Variants in ELK3 observed in about 807,000 individuals in gnomAD.
The protein encoded by ELK3 is ETS domain-containing protein Elk-3.
Under a neutral mutation model 28.9 loss-of-function variants are expected in ELK3, and 10 were observed. The observed-to-expected ratio is 0.35, with a 90% CI of 0.21 to 0.59. The LOEUF is 0.59. Ranked by LOEUF, ELK3 falls within the 20% of genes least tolerant of loss-of-function variation. The pLI is 0.82. For synonymous variants in ELK3, 272 were observed against 243.5 expected (o/e 1.12, Z -1.09); for missense variants, 463 against 517.3 (o/e 0.90, Z 1.02).
intron 1 of ELK3, among the ~76,000 whole-genome samples, chr12:96,211,487 T>TGTG (rs1555193134): frequency 0.21 from 11,466 of 54,412 alleles, 651 homozygotes; most frequent in African/African-American, 0.27. Flanking sequence ...CATTGTGTGT[T>TGTG]TGTGTGTGTG....
intron 1 of ELK3, among the ~76,000 whole-genome samples, chr12:96,201,122 AAAAT>A (rs888345161): frequency 6.6e-6 from 1 of 152,262 alleles, no homozygotes; most frequent in Non-Finnish European, 1.5e-5. Context: ...TGCTTAGTTA[AAAAT>A]AAATCAGAAT....
At chr12:96,245,768 G>T (rs1951851054) in intron 2 of ELK3, among the ~76,000 whole-genome samples, 1 of 152,132 alleles carries the variant, frequency 6.6e-6, no homozygotes, top group Non-Finnish European at 1.5e-5. Flanking sequence ...AGTGGGTTCG[G>T]CAGGGAATTA....
chr12:96,264,150 G>A (rs1952013000), intron 4 of ELK3, among the ~76,000 whole-genome samples: 1 of 152,042 alleles, frequency 6.6e-6, no homozygotes, highest in African/African-American at 2.4e-5. Flanking sequence ...GCCTGGCTAA[G>A]TTTTGAAATT....
At chr12:96,265,931 AC>A (rs1278331728) in intron 4 of ELK3, among the ~76,000 whole-genome samples, 2 of 152,146 alleles carry the variant, frequency 1.3e-5, no homozygotes, top group Non-Finnish European at 2.9e-5. Context: ...AATTAAAGAT[AC>A]CCCCTAACTC....
chr12:96,225,240 A>G (rs1296433853), intron 2 of ELK3, among the ~76,000 whole-genome samples: 2 of 152,154 alleles, frequency 1.3e-5, no homozygotes, highest in Non-Finnish European at 2.9e-5. Context: ...CTCAAAAAGC[A>G]TTTTCATTGT....
At position 96,218,341 on chromosome 12, in the gene ELK3, G is replaced by T. The variant is rs560424508; in HGVS notation, c.-2-5224G>T. ...AATGCCTTTAAAAGCAGACTGATGGGCCTCAGTATGAAAGCACAGAGTTCG... is the reference window on the plus strand; with the variant it reads ...AATGCCTTTAAAAGCAGACTGATGGTCCTCAGTATGAAAGCACAGAGTTCG... On this transcript the variant is annotated intron_variant, in intron 1 of 4. Coordinates refer to ENST00000228741, the MANE Select transcript of ELK3 (RefSeq NM_005230.4). Among the ~76,000 whole-genome samples the T allele has an allele frequency of 2.6e-5, 4 of 152,300 alleles. No homozygotes were observed. In the South Asian group the frequency reaches 8.3e-4, roughly 32 times the overall value.
chr12:96,266,922 G>GTCA (rs1213611378), intron 4 of ELK3, among the ~76,000 whole-genome samples, 160 bp from the exon 5 acceptor site: 3 of 152,158 alleles, frequency 2.0e-5, no homozygotes, highest in Non-Finnish European at 4.4e-5. Context: ...TGATCTCATT[G>GTCA]TCATCTTCCA....
At chr12:96,201,180 C>T (rs530933299) in intron 1 of ELK3, among the ~76,000 whole-genome samples, 1 of 152,096 alleles carries the variant, frequency 6.6e-6, no homozygotes, top group East Asian at 1.9e-4. Context: ...AAGAAAAATC[C>T]TTTCTGTATT....
chr12:96,207,900 A>G (rs140423116), intron 1 of ELK3, among the ~76,000 whole-genome samples: 7 of 152,378 alleles, frequency 4.6e-5, no homozygotes, highest in African/African-American at 1.7e-4. Context: ...CACTGATTGT[A>G]TCCTCTAAAT....
intron 1 of ELK3, among the ~76,000 whole-genome samples, chr12:96,207,130 G>T (rs966761023): frequency 4.6e-5 from 7 of 152,186 alleles, no homozygotes; most frequent in African/African-American, 1.7e-4. Context: ...TACAAGTCGG[G>T]TTTGGTTTAA....
intron 4 of ELK3, among the ~76,000 whole-genome samples, chr12:96,266,559 A>C (rs939902851): frequency 5.4e-5 from 8 of 148,214 alleles, no homozygotes; most frequent in African/African-American, 1.9e-4. Flanking sequence ...GCTCCAAAAT[A>C]ATCTATTCTA....
chr12:96,247,769 G>C lies in ELK3; in HGVS notation c.1002+35G>C. On this transcript the variant is annotated intron_variant, in intron 3 of 4. Coordinates refer to ENST00000228741, the MANE Select transcript of ELK3 (RefSeq NM_005230.4). The surrounding 1 kb of genome is among the most constrained non-coding windows in gnomAD (Gnocchi z 5.5). ...ATTCCTGTCATCTAAGCCACAGCCA[G>C]CTTCAGTGGCTTAGCAAAAAAGGAA... The C allele has an allele frequency of 1.4e-6, 2 of 1,474,314 alleles. No individual in the cohort carries two copies. The highest frequency in any genetic ancestry group is 1.8e-6 in the Non-Finnish European group (2 of 1,115,804). The allele number at this position is 1,474,314 out of a possible 1,614,324, so 91.3% of individuals were successfully genotyped here. A position where few individuals can be genotyped will look rare whatever the true frequency, so the allele number is the denominator to read the frequency against.
intron 1 of ELK3, among the ~76,000 whole-genome samples, chr12:96,195,095 C>A (rs995842083): frequency 5.2e-4 from 79 of 152,196 alleles, no homozygotes; most frequent in African/African-American, 1.9e-3. Flanking sequence ...GGCGAGACTT[C>A]GGGTCCCTGG....
At chr12:96,198,450 C>T (rs1224362604) in intron 1 of ELK3, among the ~76,000 whole-genome samples, 1 of 152,174 alleles carries the variant, frequency 6.6e-6, no homozygotes, top group Non-Finnish European at 1.5e-5. Flanking sequence ...CTGACCCTTT[C>T]CTAAGGTTCT....
At chr12:96,219,416 G>C (rs995037095) in intron 1 of ELK3, among the ~76,000 whole-genome samples, 1 of 152,204 alleles carries the variant, frequency 6.6e-6, no homozygotes. Context: ...ATGGTACAAA[G>C]TCTGTGTTTT....
rs1951445003 is a variant in ELK3 at position 96,194,375 on chromosome 12, G to GCGGGCCTGGGCGGC, written c.-331_-318dup. Reference sequence around the variant, plus strand: ...ACGGGGCCGGGGCGGCGGGGGAGGCGCGGGCCTGGGCGGCCAGCCCCGGCG... The same window carrying GCGGGCCTGGGCGGC: ...ACGGGGCCGGGGCGGCGGGGGAGGCGCGGGCCTGGGCGGCCGGGCCTGGGCGGCCAGCCCCGGCG... On this transcript the variant is annotated 5_prime_UTR_variant, in exon 1 of 5. Coordinates refer to ENST00000228741, the MANE Select transcript of ELK3 (RefSeq NM_005230.4). The GCGGGCCTGGGCGGC allele has an allele frequency of 6.8e-6, 1 of 146,242 alleles. No homozygotes were observed. The highest frequency in any genetic ancestry group is 1.5e-5 in the Non-Finnish European group (1 of 65,722). The allele number at this position is 146,242 out of a possible 1,614,324, so 9.1% of individuals were successfully genotyped here.
intron 1 of ELK3, among the ~76,000 whole-genome samples, chr12:96,207,192 A>T (rs549633835): frequency 6.3e-4 from 96 of 152,302 alleles, no homozygotes; most frequent in African/African-American, 2.3e-3. Flanking sequence ...TTACCTTAAC[A>T]CCACTGTGTT....
At position 96,259,657 on chromosome 12, in the gene ELK3, T is replaced by C; in HGVS notation, c.1003-74T>C. 6.7e-6 allele frequency: 10 copies of C among 1,498,484 alleles called. No homozygotes were observed. In the South Asian group the frequency reaches 1.1e-4, roughly 16 times the overall value. The allele number at this position is 1,498,484 out of a possible 1,614,324, so 92.8% of individuals were successfully genotyped here. A position where few individuals can be genotyped will look rare whatever the true frequency, so the allele number is the denominator to read the frequency against. The stretch of plus-strand genomic sequence containing the variant: ...GCCCATGCCTAGCCTACCTAACCTC[T>C]CTCTGCTGCTCTGTTGATCATGGCC... On this transcript the variant is annotated intron_variant, in intron 3 of 4. Transcript: ENST00000228741.
rs527335973 is a variant in ELK3 at position 96,236,129 on chromosome 12, A to G, written c.208-10811A>G. ...GTGTAAGCCACCACCCCGCCTGAGC[A>G]GCTTTATGTTCTATGTTATTAACAC... is the stretch of plus-strand genomic sequence containing the variant. On this transcript the variant is annotated intron_variant, in intron 2 of 4. Transcript: ENST00000228741. Among the ~76,000 whole-genome samples, 5 of 152,284 alleles carry G rather than the reference A, an allele frequency of 3.3e-5. No individual in the cohort carries two copies. The East Asian group carries it at 9.7e-4, about 29-fold the overall frequency.
Sources: allele counts gnomAD v4.1 joint callset (sites outside exome capture counted in the v4.1 genomes callset), GRCh38; gene constraint gnomAD v4.1.1; non-coding constraint Gnocchi (gnomAD v3.1); transcripts MANE v1.5; gene names NCBI Gene and HGNC (gene_info 2026-07-23, HGNC 2026-07-21).